MPPED2: variants seen among roughly 807,000 people sequenced by gnomAD.
MPPED2 encodes the protein metallophosphoesterase MPPED2.
In MPPED2, 5 loss-of-function variants were observed where a neutral mutation model predicts 33.0. The observed-to-expected ratio is 0.15, with a 90% confidence interval of 0.08 to 0.32. The LOEUF (loss-of-function observed/expected upper bound fraction) is 0.32, where lower values mean the gene tolerates loss of function less well. Ranked by LOEUF, MPPED2 falls within the 10% of genes least tolerant of loss-of-function variation. The probability of loss-of-function intolerance (pLI) is 1.00; values close to 1 mark genes in which losing one functional copy is unlikely to be tolerated. For missense variants in MPPED2, 275 were observed against 372.1 expected (o/e 0.74, Z 2.15); for synonymous variants, 136 against 141.9 (o/e 0.96, Z 0.29).
chr11:30,444,730 T>A (rs187381199), intron 4 of MPPED2, among the ~76,000 whole-genome samples: 290 of 152,308 alleles, frequency 1.9e-3, no homozygotes, highest in Non-Finnish European at 3.3e-3. Context: ...TTTCTGAGAA[T>A]CTTCCCCACT....
chr11:30,463,896 A>G (rs998208965), intron 4 of MPPED2, among the ~76,000 whole-genome samples: 2 of 151,812 alleles, frequency 1.3e-5, no homozygotes, highest in Non-Finnish European at 2.9e-5. Flanking sequence ...ATGAAATAAC[A>G]CATAATTTGA....
At chr11:30,535,971 G>A (rs575023629) in intron 3 of MPPED2, 23 bp downstream of exon 3, 13 of 1,562,928 alleles carry the variant, frequency 8.3e-6, no homozygotes, top group African/African-American at 6.8e-5. Flanking sequence ...AATTGGGGCC[G>A]CCAGAACGCA....
chr11:30,490,719 C>T (rs1590535065), intron 4 of MPPED2, among the ~76,000 whole-genome samples: 1 of 152,132 alleles, frequency 6.6e-6, no homozygotes, highest in East Asian at 1.9e-4. Context: ...TTTCTACATA[C>T]CAATTCCTGT....
At chr11:30,448,494 A>C (rs536567935) in intron 4 of MPPED2, among the ~76,000 whole-genome samples, 2 of 151,886 alleles carry the variant, frequency 1.3e-5, no homozygotes, top group East Asian at 3.9e-4. Flanking sequence ...CTACACACTA[A>C]AGTGTTACGG....
chr11:30,424,250 G>A (rs947546615), intron 4 of MPPED2, among the ~76,000 whole-genome samples: 5 of 152,158 alleles, frequency 3.3e-5, no homozygotes, highest in South Asian at 2.1e-4. Flanking sequence ...GAGGTTCACC[G>A]AAGGAATTGA....
intron 4 of MPPED2, among the ~76,000 whole-genome samples, chr11:30,477,563 C>T (rs1951274326): frequency 6.6e-6 from 1 of 151,762 alleles, no homozygotes; most frequent in Non-Finnish European, 1.5e-5. Flanking sequence ...GGTATAAATC[C>T]ACATTGATCA....
At chr11:30,485,674 A>C (rs1350800242) in intron 4 of MPPED2, among the ~76,000 whole-genome samples, 1 of 152,184 alleles carries the variant, frequency 6.6e-6, no homozygotes, top group Non-Finnish European at 1.5e-5. Flanking sequence ...TTGTAGCCTA[A>C]GGAACTGCTT....
intron 2 of MPPED2, among the ~76,000 whole-genome samples, chr11:30,537,808 C>A (rs905124597): frequency 6.6e-6 from 1 of 152,108 alleles, no homozygotes; most frequent in Non-Finnish European, 1.5e-5. Context: ...TATGCTGTTA[C>A]CACGTAGAAA....
chr11:30,407,002 G>T (rs1351481975), downstream of MPPED2, among the ~76,000 whole-genome samples: 1 of 152,200 alleles, frequency 6.6e-6, no homozygotes, highest in African/African-American at 2.4e-5. Flanking sequence ...GGATGAGAGT[G>T]GGGAATGGGG....
intron 4 of MPPED2, among the ~76,000 whole-genome samples, chr11:30,455,195 G>A (rs542861919): frequency 2.0e-5 from 3 of 152,188 alleles, no homozygotes; most frequent in African/African-American, 7.2e-5. Context: ...TTGCTGCAAT[G>A]ACAGGTGAGC....
intron 4 of MPPED2, among the ~76,000 whole-genome samples, chr11:30,427,314 A>G (rs932681051): frequency 2.0e-5 from 3 of 152,212 alleles, no homozygotes; most frequent in African/African-American, 7.2e-5. Flanking sequence ...GTTTGATTTC[A>G]TTTACAATGA....
Position 30,536,074 on chromosome 11 carries a change from T to C in MPPED2, c.230A>G (p.Tyr77Cys). 6.2e-7 allele frequency: 1 copy of C among 1,613,708 alleles called. No homozygotes were observed. The highest frequency in any genetic ancestry group is 1.1e-5 in the South Asian group (1 of 91,060). The change falls in exon 3 of 7, where the codon TAT (tyrosine) becomes TGT (cysteine). Residue 77 changes from tyrosine (Y) to cysteine (C), a missense_variant. Transcript: ENST00000358117. ...GCCTGTGTGGAGAAGGATGTCCCCA[T>C]AAGGCATCTGGATACCATCTGTTCT... ...HSRTDGIQMP[Y>C]GDILLHTGDF...
At chr11:30,567,623 A>C (rs2134777701) in intron 2 of MPPED2, among the ~76,000 whole-genome samples, 1 of 152,368 alleles carries the variant, frequency 6.6e-6, no homozygotes, top group African/African-American at 2.4e-5. Flanking sequence ...TGTGTTCTAA[A>C]GTAGTGCCCA....
intron 2 of MPPED2, among the ~76,000 whole-genome samples, chr11:30,557,531 G>A (rs1413942126): frequency 6.6e-6 from 1 of 152,052 alleles, no homozygotes; most frequent in Non-Finnish European, 1.5e-5. Context: ...ATTCTTTCTA[G>A]TTATGAGATT....
At chr11:30,469,425 A>G (rs1458557693) in intron 4 of MPPED2, among the ~76,000 whole-genome samples, 2 of 152,194 alleles carry the variant, frequency 1.3e-5, no homozygotes, top group Non-Finnish European at 2.9e-5. Context: ...CATAGCAGCA[A>G]ACAACCTAAT....
chr11:30,465,749 T>C (rs1289936809), intron 4 of MPPED2, among the ~76,000 whole-genome samples: 3 of 152,244 alleles, frequency 2.0e-5, no homozygotes, highest in Non-Finnish European at 4.4e-5. Context: ...AGGTTTGAAC[T>C]GTGTGGGTCC....
intron 4 of MPPED2, among the ~76,000 whole-genome samples, chr11:30,477,995 C>T (rs372003839): frequency 2.6e-5 from 4 of 151,932 alleles, no homozygotes; most frequent in South Asian, 4.2e-4. Flanking sequence ...TTACTCTGAG[C>T]GTTTTCAAAT....
intron 3 of MPPED2, among the ~76,000 whole-genome samples, chr11:30,511,210 A>G (rs1332925627): frequency 6.6e-6 from 1 of 152,196 alleles, no homozygotes; most frequent in Non-Finnish European, 1.5e-5. Context: ...AAATGACCAC[A>G]GTCTTTCTAC....
chr11:30,531,785 A>G (rs1045115964), intron 3 of MPPED2, among the ~76,000 whole-genome samples: 5 of 152,368 alleles, frequency 3.3e-5, no homozygotes, highest in African/African-American at 1.2e-4. Context: ...CAGCTTACGT[A>G]GAGAGGCTGT....
Sources: gnomAD v4.1 joint callset for allele counts (sites outside exome capture counted in the v4.1 genomes callset) on GRCh38, gnomAD v4.1.1 for gene constraint, MANE v1.5 for transcripts, NCBI Gene and HGNC (gene_info 2026-07-23, HGNC 2026-07-21) for gene names.